Variants in CELSR1 observed in about 807,000 individuals in gnomAD.
The protein encoded by CELSR1 is cadherin EGF LAG seven-pass G-type receptor 1, also known as adhesion G protein-coupled receptor C1.
A neutral mutation model predicts 249.1 loss-of-function variants in CELSR1; 110 were observed. That is an observed-to-expected ratio of 0.44 (90% confidence interval 0.38 to 0.52). CELSR1 has a LOEUF of 0.52. CELSR1 is among the 20% of genes least tolerant of loss of function. CELSR1 has a pLI of 0.00. For synonymous variants in CELSR1, 2,113 were observed against 1,900.0 expected, an observed-to-expected ratio of 1.11 and a Z score of -2.92; for missense variants, 4,109 against 4,296.4, an observed-to-expected ratio of 0.96 and a Z score of 1.22.
intron 1 of CELSR1, among the ~76,000 whole-genome samples, chr22:46,510,179 A>G (rs1299831961): frequency 6.6e-6 from 1 of 152,238 alleles, no homozygotes; most frequent in Non-Finnish European, 1.5e-5. Context: ...TGAAGTAATA[A>G]TAACAGCTAA....
In CELSR1 at chr22:46,386,571, C is replaced by T. The variant is rs372032509; in HGVS notation, c.6570G>A (p.Ser2190=). 3.1e-6 allele frequency: 5 copies of T among 1,594,694 alleles called. No individual in the cohort carries two copies. In the Admixed American group the frequency reaches 5.2e-5, roughly 17 times the overall value. Residue 2190 remains serine (S), a synonymous_variant, in exon 19 of 35, where the codon TCG becomes TCA. Coordinates refer to ENST00000674500, the MANE Select transcript of CELSR1 (RefSeq NM_001378328.1). ...TGGCTGGGGCCAGGAGGGCGCTGCC[C>T]GAGTGGATGACGTCCTGGTCAGACA... The part of the protein sequence containing the change: ...DADFHEDVIH[S]GSALLAPATR...
In CELSR1 at chr22:46,389,474, G is replaced by T; in HGVS notation, c.6371C>A (p.Thr2124Lys). 1 of 1,613,310 alleles carries T rather than the reference G, an allele frequency of 6.2e-7. No homozygotes were observed. The highest frequency in any genetic ancestry group is 1.1e-5 in the South Asian group (1 of 91,084). Residue 2124 changes from threonine to lysine, a missense_variant, in exon 18 of 35, where the codon ACG (threonine) becomes AAG (lysine). Around this residue, in one of 7 missense-constraint regions of CELSR1, gnomAD observed 1,805 missense variants for 1,831.6 expected, o/e 0.99. Coordinates refer to ENST00000674500, the MANE Select transcript of CELSR1 (RefSeq NM_001378328.1). ...AMNEKLSRNE[T>K]QVDGARALQL... ...CAGGGCCCTGGCGCCGTCCACCTGC[G>T]TCTCATTGCGGCTCAGCTTCTCATT... is the stretch of plus-strand genomic sequence containing the variant.
intron 1 of CELSR1, among the ~76,000 whole-genome samples, chr22:46,507,197 C>G (rs1246630278): frequency 6.6e-6 from 1 of 152,056 alleles, no homozygotes; most frequent in Non-Finnish European, 1.5e-5. Flanking sequence ...AAAAAGAAAA[C>G]AAAATAAAAA....
At chr22:46,400,046 T>C (rs2079194699) in intron 9 of CELSR1, 144 bp from the exon 10 acceptor site, 2 of 863,082 alleles carry the variant, frequency 2.3e-6, no homozygotes, top group South Asian at 1.8e-5. Context: ...TTAGGCAAAG[T>C]TGGCCAGGTG....
At position 46,505,169 on chromosome 22, in the gene CELSR1, G is replaced by T. The variant is rs2080503046; in HGVS notation, c.3544+28458C>A. Among the ~76,000 whole-genome samples, 5 of 146,628 alleles carry T rather than the reference G, an allele frequency of 3.4e-5. No individual in the cohort carries two copies. In the Admixed American group the frequency reaches 3.7e-4, roughly 11 times the overall value. On this transcript the variant is annotated intron_variant, in intron 1 of 34. Coordinates refer to ENST00000674500, the MANE Select transcript of CELSR1 (RefSeq NM_001378328.1). ...CCCAGCTACTCGGGAGGCTGAGGCA[G>T]GAGAATGGCGTGAACCCGGGAGGCA...
chr22:46,531,675 C>T (rs2080793651), intron 1 of CELSR1, among the ~76,000 whole-genome samples: 1 of 152,180 alleles, frequency 6.6e-6, no homozygotes, highest in Non-Finnish European at 1.5e-5. Context: ...CCTGAGAAGG[C>T]CACTCAACAC....
chr22:46,412,303 G>A lies in CELSR1; in HGVS notation c.4612-544C>T, dbSNP rs888550122. ...GTCTGTTGTTTGAGCCACCCTGTCC[G>A]TGGTACTTTGTGATGGTGGCCCCAG... On this transcript the variant is annotated intron_variant, in intron 5 of 34. Coordinates refer to ENST00000674500, the MANE Select transcript of CELSR1 (RefSeq NM_001378328.1). This position sits in a 1 kb window ranked among gnomAD's most constrained non-coding sequence, Gnocchi z 4.5. Among the ~76,000 whole-genome samples, 2 of 152,182 alleles carry A rather than the reference G, an allele frequency of 1.3e-5. No individual in the cohort carries two copies. The highest frequency in any genetic ancestry group is 2.9e-5 in the Non-Finnish European group (2 of 68,022).
intron 1 of CELSR1, among the ~76,000 whole-genome samples, chr22:46,511,886 C>T (rs1212753421): frequency 6.6e-6 from 1 of 152,202 alleles, no homozygotes; most frequent in Non-Finnish European, 1.5e-5. Flanking sequence ...GACACAATGA[C>T]CCGCCTCTCT....
rs189489391 is a variant in CELSR1 at position 46,526,827 on chromosome 22, G to T, written c.3544+6800C>A. ...TCCATAACCTGAGCTGGTCTCCCCAGTCTGGACCTGCACACACAATCAACT... is the reference window on the plus strand; with the variant it reads ...TCCATAACCTGAGCTGGTCTCCCCATTCTGGACCTGCACACACAATCAACT... On this transcript the variant is annotated intron_variant, in intron 1 of 34. Transcript: ENST00000674500. The surrounding 1 kb of genome is among the most constrained non-coding windows in gnomAD (Gnocchi z 4.7). 3.9e-5 allele frequency among the ~76,000 whole-genome samples: 6 copies of T among 152,304 alleles called. No individual in the cohort carries two copies. In the East Asian group the frequency reaches 9.6e-4, roughly 24 times the overall value.
chr22:46,504,781 A>T (rs2080499055), intron 1 of CELSR1, among the ~76,000 whole-genome samples: 1 of 152,178 alleles, frequency 6.6e-6, no homozygotes, highest in Non-Finnish European at 1.5e-5. Context: ...CCGCACCAGT[A>T]ATTTCACTTC....
At position 46,380,492 on chromosome 22, in the gene CELSR1, C is replaced by T. The variant is rs900686208; in HGVS notation, c.7256+296G>A. On this transcript the variant is annotated intron_variant, in intron 22 of 34. Transcript: ENST00000674500. This position sits in a 1 kb window ranked among gnomAD's most constrained non-coding sequence, Gnocchi z 5.1. ...GTTGGCCGCTGCATGTCGGGAGTCC[C>T]GCAGGTGAGGGGTCCCCTTCCTGGG... is the stretch of plus-strand genomic sequence containing the variant. Among the ~76,000 whole-genome samples the T allele has an allele frequency of 1.3e-5, 2 of 152,214 alleles. No homozygotes were observed. Among genetic ancestry groups the T allele is most frequent in the Non-Finnish European group, 1.5e-5 (1 of 68,036 alleles).
chr22:46,478,938 A>G (rs2080238694), intron 1 of CELSR1, among the ~76,000 whole-genome samples: 1 of 151,880 alleles, frequency 6.6e-6, no homozygotes, highest in Non-Finnish European at 1.5e-5. Context: ...CTCTTCAGCC[A>G]CTGCTCACCG....
In CELSR1 at chr22:46,517,103, C is replaced by G. The variant is rs769599983; in HGVS notation, c.3544+16524G>C. Reference sequence around the variant, plus strand: ...GCTCTGGCCAGGGCAGGTTCTCACCCCAATGGATCATTCCCCTGAGGTATA... The same window carrying G: ...GCTCTGGCCAGGGCAGGTTCTCACCGCAATGGATCATTCCCCTGAGGTATA... On this transcript the variant is annotated intron_variant, in intron 1 of 34. Transcript: ENST00000674500. The surrounding 1 kb of genome is among the most constrained non-coding windows in gnomAD (Gnocchi z 5.4). 1.3e-5 allele frequency among the ~76,000 whole-genome samples: 2 copies of G among 152,248 alleles called. No individual in the cohort carries two copies. Among genetic ancestry groups the G allele is most frequent in the Non-Finnish European group, 2.9e-5 (2 of 68,040 alleles).
chr22:46,428,197 G>T lies in CELSR1; in HGVS notation c.4611+5196C>A, dbSNP rs546491484. The stretch of plus-strand genomic sequence containing the variant: ...TGCTGTCTTTATAAAAGCACTTTCC[G>T]CAGCATGCCAAAGACAGCCCCGCGC... On this transcript the variant is annotated intron_variant, in intron 5 of 34. Transcript: ENST00000674500. This position sits in a 1 kb window ranked among gnomAD's most constrained non-coding sequence, Gnocchi z 5.7. Among the ~76,000 whole-genome samples the T allele has an allele frequency of 5.8e-4, 89 of 152,272 alleles. 2 individuals carry two copies. In the South Asian group the frequency reaches 0.018, roughly 31 times the overall value.
chr22:46,466,236 G>C (rs375122466), intron 1 of CELSR1, among the ~76,000 whole-genome samples: 2 of 152,180 alleles, frequency 1.3e-5, no homozygotes, highest in Non-Finnish European at 2.9e-5. Context: ...CAGAGAGTGC[G>C]TTCCTTCCCT....
chr22:46,385,356 C>T (rs184398323), intron 19 of CELSR1, among the ~76,000 whole-genome samples: 1 of 152,142 alleles, frequency 6.6e-6, no homozygotes, highest in Non-Finnish European at 1.5e-5. Flanking sequence ...CTCAGCCTCC[C>T]AGTGCTGGGA....
In CELSR1 at chr22:46,412,838, T is replaced by C. The variant is rs1360773944; in HGVS notation, c.4612-1079A>G. On this transcript the variant is annotated intron_variant, in intron 5 of 34. Coordinates refer to ENST00000674500, the MANE Select transcript of CELSR1 (RefSeq NM_001378328.1). This position sits in a 1 kb window ranked among gnomAD's most constrained non-coding sequence, Gnocchi z 4.5. ...AACCGGGACAGGCAACAGAATGTCT[T>C]TCATCTGCACAACCTGGATAACAAG... Among the ~76,000 whole-genome samples the C allele has an allele frequency of 1.3e-5, 2 of 152,186 alleles. No homozygotes were observed. The highest frequency in any genetic ancestry group is 1.9e-4 in the East Asian group (1 of 5,198).
intron 1 of CELSR1, among the ~76,000 whole-genome samples, chr22:46,531,185 T>TTTTATTTATTTATTTA (rs151076267): frequency 3.9e-4 from 57 of 147,944 alleles, no homozygotes; most frequent in East Asian, 9.9e-4. Flanking sequence ...CTGCGCATCC[T>TTTTATTTATTTATTTA]TTTATTTATT....
chr22:46,434,928 T>C lies in CELSR1; in HGVS notation c.4522+1246A>G, dbSNP rs531390684. Among the ~76,000 whole-genome samples the C allele has an allele frequency of 6.6e-6, 1 of 151,498 alleles. No individual in the cohort carries two copies. The highest frequency in any genetic ancestry group is 2.4e-5 in the African/African-American group (1 of 41,244). On this transcript the variant is annotated intron_variant, in intron 4 of 34. Transcript: ENST00000674500. The surrounding 1 kb of genome is among the most constrained non-coding windows in gnomAD (Gnocchi z 4.9). The stretch of plus-strand genomic sequence containing the variant: ...ATGAGAATCGCTTGAACCTGGGAGG[T>C]GGAGGTCGCAGTGAGCCAATATTGC...
Sources: allele counts gnomAD v4.1 joint callset (sites outside exome capture counted in the v4.1 genomes callset), GRCh38; gene constraint gnomAD v4.1.1; regional missense constraint gnomAD v4.1.1; non-coding constraint Gnocchi (gnomAD v3.1); transcripts MANE v1.5; gene names NCBI Gene and HGNC (gene_info 2026-07-23, HGNC 2026-07-21).